The following TMPRSS15 variants were observed in gnomAD, a reference collection of about 807,000 sequenced individuals.
The protein encoded by TMPRSS15 is enteropeptidase.
In TMPRSS15, 128 loss-of-function variants were observed where a neutral mutation model predicts 125.3. The observed-to-expected ratio is 1.02, with a 90% CI of 0.89 to 1.18. The LOEUF (loss-of-function observed/expected upper bound fraction) is 1.18, where lower values mean the gene tolerates loss of function less well. TMPRSS15 is among the 50% of genes most tolerant of loss of function. The probability of loss-of-function intolerance (pLI) is 0.00; values close to 1 mark genes in which losing one functional copy is unlikely to be tolerated. For synonymous variants in TMPRSS15, 446 were observed against 423.2 expected (o/e 1.05, Z -0.66); for missense variants, 1,283 against 1,212.7 (o/e 1.06, Z -0.86).
In TMPRSS15 at chr21:18,343,965, G is replaced by A. The variant is rs746999425; in HGVS notation, c.1267C>T (p.Leu423Phe). 14 of 1,613,910 alleles carry A rather than the reference G, an allele frequency of 8.7e-6. No homozygotes were observed. The South Asian group carries it at 1.4e-4, about 16-fold the overall frequency. ...PLDPTLEPACLSFWYHMYGEN... is the reference protein window; with the variant it reads ...PLDPTLEPACFSFWYHMYGEN... ...GTGTCTACAACATACCAGAAACTAA[G>A]GCAAGCTGGCTCCAAAGTGGGGTCC... The change falls in exon 11 of 25, where the codon CTT becomes TTT. Residue 423 changes from leucine to phenylalanine, a missense_variant. Leu to Phe is a conservative substitution (Grantham distance 22). Transcript: ENST00000284885.
chr21:18,372,307 A>C lies in TMPRSS15; in HGVS notation c.550T>G (p.Cys184Gly), dbSNP rs1309163332. 1 of 1,613,144 alleles carries C rather than the reference A, an allele frequency of 6.2e-7. No homozygotes were observed. The highest frequency in any genetic ancestry group is 1.7e-5 in the Admixed American group (1 of 59,996). ...LATPGNVSIECLPGSSPCTDA... is the reference protein window; with the variant it reads ...LATPGNVSIEGLPGSSPCTDA... ...GTACAAGGACTTGAACCAGGCAGGC[A>C]CTCTATTGAGACATTTCCTTTAAAA... The change falls in exon 6 of 25, where the codon TGC becomes GGC. Residue 184 changes from cysteine to glycine, a missense_variant. By Grantham distance (159) the Cys-to-Gly change is radical (BLOSUM62 -3). Transcript: ENST00000284885.
At chr21:18,464,415 G>A (rs1978614474) in intron 1 of TMPRSS15, among the ~76,000 whole-genome samples, 1 of 151,884 alleles carries the variant, frequency 6.6e-6, no homozygotes, top group Non-Finnish European at 1.5e-5. Flanking sequence ...TAAGATCAGA[G>A]CAGAATTGAA....
At chr21:18,315,466 A>G (rs76487230) in intron 16 of TMPRSS15, among the ~76,000 whole-genome samples, 9,740 of 85,480 alleles carry the variant, frequency 0.11, 629 homozygotes, top group Non-Finnish European at 0.17. Context: ...CGTTGTGCAC[A>G]TGTACCGTAG....
At chr21:18,474,816 C>T (rs1277433423) in intron 1 of TMPRSS15, among the ~76,000 whole-genome samples, 2 of 152,138 alleles carry the variant, frequency 1.3e-5, no homozygotes, top group Non-Finnish European at 2.9e-5. Flanking sequence ...CCTAGTCTGA[C>T]TGAGGCTACA....
intron 10 of TMPRSS15, 53 bp from the exon 11 acceptor site, chr21:18,344,113 T>C: frequency 7.0e-7 from 1 of 1,435,362 alleles, no homozygotes. Context: ...ATTTTCATTG[T>C]GTGACAAGTA....
intron 14 of TMPRSS15, among the ~76,000 whole-genome samples, chr21:18,331,643 C>T (rs1356645586): frequency 2.6e-5 from 4 of 152,150 alleles, no homozygotes; most frequent in Non-Finnish European, 4.4e-5. Flanking sequence ...GTGAATGCTA[C>T]AACTGGTTCT....
chr21:18,384,586 AT>A (rs1226969742), intron 3 of TMPRSS15, among the ~76,000 whole-genome samples: 2 of 152,020 alleles, frequency 1.3e-5, no homozygotes, highest in Non-Finnish European at 2.9e-5. Context: ...TACTTGGGAG[AT>A]TTTTGCCCTC....
In TMPRSS15 at chr21:18,420,268, TG is replaced by T. The variant is rs977862820; in HGVS notation, c.11-21940del. 6.6e-4 allele frequency among the ~76,000 whole-genome samples: 101 copies of T among 152,340 alleles called. 1 individual carries two copies. The highest frequency in any genetic ancestry group is 2.3e-3 in the African/African-American group (94 of 41,580). On this transcript the variant is annotated intron_variant, in intron 1 of 7. Coordinates refer to the TMPRSS15 transcript ENST00000422787. ...CCACCTTTAACATCCTTTGAGTCTG[TG>T]ATTCGAGTAAACCTCAAAGCATGGC...
Position 18,438,405 on chromosome 21 carries a change from AG to A in TMPRSS15, c.11-40077del, listed in dbSNP as rs1435557740. On this transcript the variant is annotated intron_variant, in intron 1 of 7. Coordinates refer to the TMPRSS15 transcript ENST00000422787. ...GTCGAGTTAATGGGTGCAGCACACCAGCATGGCACATGTATACATATGTAAC... is the reference window on the plus strand; with the variant it reads ...GTCGAGTTAATGGGTGCAGCACACCACATGGCACATGTATACATATGTAAC... 1.6e-4 allele frequency among the ~76,000 whole-genome samples: 25 copies of A among 152,120 alleles called. No homozygotes were observed. In the East Asian group the frequency reaches 4.9e-3, roughly 30 times the overall value.
At chr21:18,271,706 C>T (rs1055517894) in intron 24 of TMPRSS15, among the ~76,000 whole-genome samples, 5 of 151,822 alleles carry the variant, frequency 3.3e-5, no homozygotes, top group East Asian at 1.9e-4. Context: ...CCTATTGACC[C>T]GCCCTCTAAG....
At chr21:18,300,878 A>C (rs1353526169) in intron 18 of TMPRSS15, among the ~76,000 whole-genome samples, 6 of 152,082 alleles carry the variant, frequency 3.9e-5, no homozygotes, top group African/African-American at 1.4e-4. Context: ...AGTAAATGCC[A>C]CTTGTTCCAC....
intron 1 of TMPRSS15, among the ~76,000 whole-genome samples, chr21:18,480,383 C>G (rs1430967410): frequency 1.3e-5 from 2 of 151,838 alleles, no homozygotes; most frequent in Non-Finnish European, 2.9e-5. Flanking sequence ...AATATAGTCT[C>G]CAGGAGATTT....
At position 18,383,691 on chromosome 21, in the gene TMPRSS15, A is replaced by G. The variant is rs760179906; in HGVS notation, c.432T>C (p.Leu144=). 1.2e-6 allele frequency: 2 copies of G among 1,614,024 alleles called. No individual in the cohort carries two copies. Among genetic ancestry groups the G allele is most frequent in the Admixed American group, 1.7e-5 (1 of 60,022 alleles). ...CCAGTTGGCTGGATTTATTTGCTTC[A>G]AGGCCTTGAATCAGTTCTTCTTTTA... The part of the protein sequence containing the change: ...ENVKEELIQG[L]EANKSSQLVT... The change falls in exon 4 of 25, where the codon CTT becomes CTC. Residue 144 remains leucine (L), a synonymous_variant. Transcript: ENST00000284885.
chr21:18,477,235 T>G (rs1416550010), intron 1 of TMPRSS15: 1 of 152,092 alleles, frequency 6.6e-6, no homozygotes, highest in African/African-American at 2.4e-5. Flanking sequence ...CCTCAGAACA[T>G]TTTGAAGTAC....
At chr21:18,418,241 A>G (rs1429295816) in intron 1 of TMPRSS15, among the ~76,000 whole-genome samples, 1 of 152,232 alleles carries the variant, frequency 6.6e-6, no homozygotes, top group Non-Finnish European at 1.5e-5. Context: ...TACAGTGTCT[A>G]AGGGATACCT....
At chr21:18,318,273 A>G (rs912858553) in intron 16 of TMPRSS15, among the ~76,000 whole-genome samples, 2 of 152,190 alleles carry the variant, frequency 1.3e-5, no homozygotes, top group Admixed American at 6.5e-5. Context: ...TTATTGTACT[A>G]TAAGAGGTGT....
At chr21:18,414,286 G>A (rs1163403257) in intron 1 of TMPRSS15, among the ~76,000 whole-genome samples, 1 of 151,892 alleles carries the variant, frequency 6.6e-6, no homozygotes, top group African/African-American at 2.4e-5. Flanking sequence ...CATAATCAAG[G>A]AATAGACATG....
At chr21:18,301,950 G>A (rs1343641545) in intron 18 of TMPRSS15, among the ~76,000 whole-genome samples, 2 of 152,064 alleles carry the variant, frequency 1.3e-5, no homozygotes, top group African/African-American at 4.8e-5. Context: ...TGAATTCTAG[G>A]GAGTAAAAAA....
chr21:18,349,757 T>C (rs1054525197), intron 10 of TMPRSS15, among the ~76,000 whole-genome samples: 18 of 152,178 alleles, frequency 1.2e-4, no homozygotes, highest in Admixed American at 2.0e-4. Context: ...CTACGCTTTC[T>C]CCTGAGACTT....
Sources: gnomAD v4.1 joint callset for allele counts (sites outside exome capture counted in the v4.1 genomes callset) on GRCh38, gnomAD v4.1.1 for gene constraint, MANE v1.5 for transcripts, NCBI Gene and HGNC (gene_info 2026-07-23, HGNC 2026-07-21) for gene names.